The following SLC38A12 variants were observed in gnomAD, a reference collection of about 807,000 sequenced individuals.
SLC38A12 encodes the protein putative sodium-coupled neutral amino acid transporter 12.
chr17:74,812,035 C>CA, the SLC38A12 span, among the ~76,000 whole-genome samples: 3,246 of 139,734 alleles, frequency 0.023, 94 homozygotes, highest in African/African-American at 0.077. Flanking sequence ...GACAGTGCCT[C>CA]AAAAAAAAAA....
the SLC38A12 span, among the ~76,000 whole-genome samples, chr17:74,779,645 C>T: frequency 1.3e-5 from 2 of 152,224 alleles, no homozygotes; most frequent in African/African-American, 2.4e-5. Context: ...GCTGGCTGCT[C>T]TGAGTTCCCC....
At chr17:74,817,112 C>T in the SLC38A12 span, among the ~76,000 whole-genome samples, 2 of 151,532 alleles carry the variant, frequency 1.3e-5, no homozygotes, top group African/African-American at 2.4e-5. Context: ...GATGCCTGCT[C>T]CTGCAGTTGC....
the SLC38A12 span, chr17:74,785,728 A>G: frequency 7.5e-7 from 1 of 1,325,936 alleles, no homozygotes; most frequent in Non-Finnish European, 1.0e-6. Context: ...TATCGAGCTC[A>G]GTGAGTCCTT....
the SLC38A12 span, among the ~76,000 whole-genome samples, chr17:74,831,122 T>C: frequency 6.6e-6 from 1 of 152,196 alleles, no homozygotes; most frequent in South Asian, 2.1e-4. Context: ...GCTTCCCCTC[T>C]GGGACCCCCA....
chr17:74,830,024 G>A, the SLC38A12 span, among the ~76,000 whole-genome samples: 9 of 152,258 alleles, frequency 5.9e-5, no homozygotes, highest in Middle Eastern at 3.4e-3. Context: ...GAAGGGGCTC[G>A]CTACTGACCA....
the SLC38A12 span, chr17:74,795,188 G>A: frequency 8.1e-7 from 1 of 1,239,638 alleles, no homozygotes; most frequent in South Asian, 1.2e-5. Flanking sequence ...GTGTCCAGGG[G>A]AGAAGCACCA....
At chr17:74,829,937 G>A in the SLC38A12 span, among the ~76,000 whole-genome samples, 1 of 152,288 alleles carries the variant, frequency 6.6e-6, no homozygotes, top group East Asian at 1.9e-4. This position sits in a 1 kb window ranked among gnomAD's most constrained non-coding sequence, Gnocchi z 4.1. Flanking sequence ...GACCTGGAAG[G>A]AGCTCGTCCC....
chr17:74,795,420 T>G, the SLC38A12 span: 5 of 994,724 alleles, frequency 5.0e-6, no homozygotes, highest in South Asian at 7.9e-5. Flanking sequence ...GTGAAAAGTC[T>G]GATTGTTGGC....
chr17:74,784,161 TA>T, the SLC38A12 span, among the ~76,000 whole-genome samples: 2 of 152,274 alleles, frequency 1.3e-5, no homozygotes, highest in Non-Finnish European at 2.9e-5. Flanking sequence ...TGCATCTTTC[TA>T]AGAACAGGAG....
chr17:74,795,811 G>T, the SLC38A12 span, among the ~76,000 whole-genome samples: 1 of 152,206 alleles, frequency 6.6e-6, no homozygotes, highest in African/African-American at 2.4e-5. Flanking sequence ...GTCACTAAGA[G>T]TCTAGCCCCC....
chr17:74,788,952 CCT>C, the SLC38A12 span: 3 of 1,274,036 alleles, frequency 2.4e-6, no homozygotes, highest in African/African-American at 1.5e-5. Context: ...CCATTCTTTT[CCT>C]CTCAGTGCAT....
At chr17:74,785,508 C>T in the SLC38A12 span, 1 of 1,614,068 alleles carries the variant, frequency 6.2e-7, no homozygotes, top group Non-Finnish European at 8.5e-7. Flanking sequence ...TGTTTAACCT[C>T]ATCGTGGGCA....
chr17:74,797,001 G>C, the SLC38A12 span, among the ~76,000 whole-genome samples: 1 of 152,300 alleles, frequency 6.6e-6, no homozygotes, highest in African/African-American at 2.4e-5. Flanking sequence ...GATTTGAGCG[G>C]CTCGCACAGA....
At chr17:74,794,404 A>C in the SLC38A12 span, among the ~76,000 whole-genome samples, 8 of 152,198 alleles carry the variant, frequency 5.3e-5, no homozygotes, top group African/African-American at 1.9e-4. Flanking sequence ...TTCCCGTAAG[A>C]AGGAAAGGGG....
At chr17:74,804,741 T>C in the SLC38A12 span, among the ~76,000 whole-genome samples, 1 of 152,218 alleles carries the variant, frequency 6.6e-6, no homozygotes, top group Non-Finnish European at 1.5e-5. Flanking sequence ...CTGAACACCT[T>C]GATGGGAAGA....
At chr17:74,807,156 C>T in the SLC38A12 span, among the ~76,000 whole-genome samples, 1 of 146,496 alleles carries the variant, frequency 6.8e-6, no homozygotes, top group Non-Finnish European at 1.5e-5. Flanking sequence ...AGTGCTGTCA[C>T]GGCCTGGCCC....
the SLC38A12 span, chr17:74,795,429 G>C: frequency 1.9e-6 from 2 of 1,068,582 alleles, no homozygotes; most frequent in Non-Finnish European, 2.7e-6. Context: ...CTGATTGTTG[G>C]CGCTCAGGCA....
chr17:74,811,515 G>A, the SLC38A12 span, among the ~76,000 whole-genome samples: 2 of 151,978 alleles, frequency 1.3e-5, no homozygotes, highest in South Asian at 4.2e-4. Context: ...GAGGTCAGGA[G>A]TTCATGACCA....
chr17:74,815,444 T>C, the SLC38A12 span, among the ~76,000 whole-genome samples: 148 of 152,292 alleles, frequency 9.7e-4, 1 homozygote, highest in East Asian at 0.021. Flanking sequence ...GTTTAAAATT[T>C]CATTTTGTTT....
Sources: allele counts gnomAD v4.1 joint callset (sites outside exome capture counted in the v4.1 genomes callset), GRCh38; gene constraint gnomAD v4.1.1; non-coding constraint Gnocchi (gnomAD v3.1); transcripts MANE v1.5; gene names NCBI Gene and HGNC (gene_info 2026-07-23, HGNC 2026-07-21).